Variants in KLF7 observed in about 807,000 individuals in gnomAD.
KLF7 encodes KLF transcription factor 7.
In KLF7, 2 loss-of-function variants were observed where a neutral mutation model predicts 27.3. The observed-to-expected ratio is 0.07, with a 90% CI of 0.03 to 0.23. The LOEUF (loss-of-function observed/expected upper bound fraction) is 0.23. KLF7 is among the 10% of genes least tolerant of loss of function. The probability of loss-of-function intolerance (pLI) is 1.00; values close to 1 mark genes in which losing one functional copy is unlikely to be tolerated. For synonymous variants in KLF7, 165 were observed against 162.4 expected (o/e 1.02, Z -0.12); for missense variants, 221 against 394.1 (o/e 0.56, Z 3.72).
At chr2:207,087,673 G>A (rs1457765065) in intron 3 of KLF7, among the ~76,000 whole-genome samples, 1 of 152,122 alleles carries the variant, frequency 6.6e-6, no homozygotes, top group African/African-American at 2.4e-5. Flanking sequence ...AATAGGATTA[G>A]AAGGATAACA....
chr2:207,081,395 G>A (rs2076268573), intron 3 of KLF7, 131 bp from the exon 4 acceptor site: 2 of 825,386 alleles, frequency 2.4e-6, no homozygotes, highest in Non-Finnish European at 4.1e-6. Flanking sequence ...AGGGCCATGT[G>A]TTGGGAAGGT....
In KLF7 at chr2:207,075,649, G is replaced by A. The variant is rs928426469; in HGVS notation, c.*5564C>T. On this transcript the variant is annotated 3_prime_UTR_variant, in exon 4 of 4. Coordinates refer to ENST00000309446, the MANE Select transcript of KLF7 (RefSeq NM_003709.4). ...GTGGCTGGGAAGTTGTGTGGGAGTA[G>A]GAAGTGGGAGAAGGAGCTTGACGCG... 2.6e-5 allele frequency: 4 copies of A among 152,222 alleles called. No homozygotes were observed. Among genetic ancestry groups the A allele is most frequent in the South Asian group, 2.1e-4 (1 of 4,826 alleles). 9.4% of individuals were successfully genotyped at this position (152,222 alleles called of 1,614,324 possible). A position where few individuals can be genotyped will look rare whatever the true frequency, so the allele number is the denominator to read the frequency against.
At chr2:207,166,058 T>C, upstream of KLF7, 1 of 484,518 alleles carries the variant, frequency 2.1e-6, no homozygotes, top group Admixed American at 1.5e-4. Flanking sequence ...ACCCCATCCT[T>C]GCTAGTTTGT....
intron 2 of KLF7, among the ~76,000 whole-genome samples, chr2:207,115,854 A>G (rs993555039): frequency 7.9e-5 from 12 of 152,236 alleles, no homozygotes; most frequent in African/African-American, 2.9e-4. Context: ...TGGACGTATA[A>G]TCCACTGACC....
intron 2 of KLF7, among the ~76,000 whole-genome samples, chr2:207,113,341 A>G (rs926410340): frequency 2.6e-5 from 4 of 152,144 alleles, no homozygotes; most frequent in African/African-American, 9.7e-5. Flanking sequence ...CCGAGAAAGA[A>G]AGATTTGAAG....
chr2:207,146,978 C>T lies in KLF7; in HGVS notation c.102+18489G>A, dbSNP rs1273302514. 2.0e-5 allele frequency among the ~76,000 whole-genome samples: 3 copies of T among 152,244 alleles called. No homozygotes were observed. In the South Asian group the frequency reaches 6.2e-4, roughly 32 times the overall value. On this transcript the variant is annotated intron_variant, in intron 1 of 3. Transcript: ENST00000309446. Reference sequence around the variant, plus strand: ...AGCCCATGGGCTAGAAGGGGTTGGGCACAGGGAAGTATGGGGAAGCTAAAT... The same window carrying T: ...AGCCCATGGGCTAGAAGGGGTTGGGTACAGGGAAGTATGGGGAAGCTAAAT...
At chr2:207,158,385 C>T (rs2078448780) in intron 1 of KLF7, among the ~76,000 whole-genome samples, 1 of 152,196 alleles carries the variant, frequency 6.6e-6, no homozygotes, top group Admixed American at 6.5e-5. Context: ...CTGCTTATTA[C>T]AACCCTCTCA....
At chr2:207,150,608 C>G (rs113698283) in intron 1 of KLF7, among the ~76,000 whole-genome samples, 7 of 152,208 alleles carry the variant, frequency 4.6e-5, no homozygotes, top group African/African-American at 1.7e-4. Context: ...TATCATAAGC[C>G]CTGCACTTCA....
chr2:207,095,340 G>T (rs62188617), intron 2 of KLF7, among the ~76,000 whole-genome samples: 11,936 of 152,154 alleles, frequency 0.078, 649 homozygotes, highest in Non-Finnish European at 0.12. Flanking sequence ...GAGCCACCAC[G>T]CCCGGCCTGT....
intron 2 of KLF7, among the ~76,000 whole-genome samples, chr2:207,093,555 C>T (rs1363089610): frequency 1.3e-5 from 2 of 152,228 alleles, no homozygotes; most frequent in African/African-American, 4.8e-5. Context: ...GATTCTGTCA[C>T]TTTCTCCATA....
intron 2 of KLF7, among the ~76,000 whole-genome samples, chr2:207,108,168 G>A (rs1181635490): frequency 6.6e-6 from 1 of 151,960 alleles, no homozygotes; most frequent in African/African-American, 2.4e-5. Flanking sequence ...TTTTGGATAA[G>A]GTGCACACCA....
chr2:207,112,491 T>A (rs912207652), intron 2 of KLF7, among the ~76,000 whole-genome samples: 1 of 152,226 alleles, frequency 6.6e-6, no homozygotes, highest in Non-Finnish European at 1.5e-5. Context: ...ATGGTGGATC[T>A]CATTAGTATG....
upstream of KLF7, chr2:207,166,700 C>T (rs2078722749): frequency 1.4e-6 from 1 of 708,556 alleles, no homozygotes. Context: ...ACCCCGCCTC[C>T]GCCTGGGCAC....
rs1489257554 is a variant in KLF7, at chr2:207,081,115, G to A, written c.*98C>T. 2 of 983,476 alleles carry A rather than the reference G, an allele frequency of 2.0e-6. No individual in the cohort carries two copies. The highest frequency in any genetic ancestry group is 3.3e-6 in the Non-Finnish European group (2 of 610,594). The allele number at this position is 983,476 out of a possible 1,614,324, so 60.9% of individuals were successfully genotyped here. ...GGTTTATAAGTGAGAACTTTCTTCT[G>A]CGAGGCAATGGGTCCCCGCCTGAAG... On this transcript the variant is annotated 3_prime_UTR_variant, in exon 4 of 4. Transcript: ENST00000309446.
chr2:207,135,544 T>C (rs2077759426), intron 1 of KLF7, among the ~76,000 whole-genome samples: 1 of 152,208 alleles, frequency 6.6e-6, no homozygotes, highest in Non-Finnish European at 1.5e-5. Flanking sequence ...TGTGCCTGAC[T>C]TGCAGCCTGC....
intron 2 of KLF7, among the ~76,000 whole-genome samples, chr2:207,092,260 G>C (rs1218351679): frequency 1.3e-5 from 2 of 152,234 alleles, no homozygotes; most frequent in Non-Finnish European, 1.5e-5. Context: ...AGATGGAAGA[G>C]AGACTTAAAA....
intron 2 of KLF7, among the ~76,000 whole-genome samples, chr2:207,096,128 T>C (rs757936563): frequency 6.6e-6 from 1 of 152,130 alleles, no homozygotes; most frequent in Non-Finnish European, 1.5e-5. Flanking sequence ...CAACCCGTGG[T>C]AGAAGCACTC....
chr2:207,097,978 G>T (rs1301120376), intron 2 of KLF7, among the ~76,000 whole-genome samples: 3 of 152,088 alleles, frequency 2.0e-5, no homozygotes, highest in Non-Finnish European at 2.9e-5. Context: ...AACTGTTTAG[G>T]TATTACTATA....
intron 2 of KLF7, among the ~76,000 whole-genome samples, chr2:207,106,812 A>C (rs1179756532): frequency 6.6e-6 from 1 of 152,140 alleles, no homozygotes; most frequent in Admixed American, 6.5e-5. Flanking sequence ...GAAAGCACAG[A>C]GAGTGGGATG....
Sources: allele counts gnomAD v4.1 joint callset (sites outside exome capture counted in the v4.1 genomes callset), GRCh38; gene constraint gnomAD v4.1.1; transcripts MANE v1.5; gene names NCBI Gene and HGNC (gene_info 2026-07-23, HGNC 2026-07-21).